GALNTL6: variants seen among roughly 807,000 people sequenced by gnomAD.
The protein encoded by GALNTL6 is polypeptide N-acetylgalactosaminyltransferase-like 6.
In GALNTL6, 46 loss-of-function variants were observed where a neutral mutation model predicts 73.7. The ratio of observed to expected loss-of-function variants is 0.62; its 90% CI spans 0.49 to 0.80. The LOEUF is 0.80. GALNTL6 is among the 30% of genes least tolerant of loss of function. The probability of loss-of-function intolerance (pLI) is 0.00; values close to 1 mark genes in which losing one functional copy is unlikely to be tolerated. For missense variants in GALNTL6, 604 were observed against 755.0 expected (o/e 0.80, Z 2.34); for synonymous variants, 259 against 263.7 (o/e 0.98, Z 0.17).
intron 2 of GALNTL6, among the ~76,000 whole-genome samples, chr4:171,921,540 A>G (rs1737787445): frequency 6.6e-6 from 1 of 152,104 alleles, no homozygotes; most frequent in African/African-American, 2.4e-5. Context: ...CATTATCATT[A>G]CTCTAGTTAA....
At chr4:171,849,280 G>A (rs1482677967) in intron 2 of GALNTL6, among the ~76,000 whole-genome samples, 1 of 152,152 alleles carries the variant, frequency 6.6e-6, no homozygotes, top group East Asian at 1.9e-4. Context: ...TGAGGAGAGG[G>A]AACAGATGGG....
intron 5 of GALNTL6, among the ~76,000 whole-genome samples, chr4:172,468,164 T>A (rs1178002997): frequency 1.3e-5 from 2 of 152,210 alleles, no homozygotes; most frequent in African/African-American, 4.8e-5. Flanking sequence ...AGTTCTGGGA[T>A]TACAGGCATG....
chr4:172,152,802 G>C (rs1247601398), intron 2 of GALNTL6, among the ~76,000 whole-genome samples: 1 of 152,026 alleles, frequency 6.6e-6, no homozygotes, highest in African/African-American at 2.4e-5. Flanking sequence ...TAGAGGCGGG[G>C]TTTTGCCATG....
At chr4:172,007,969 G>A (rs879384607) in intron 2 of GALNTL6, among the ~76,000 whole-genome samples, 6 of 151,788 alleles carry the variant, frequency 4.0e-5, no homozygotes, top group Non-Finnish European at 5.9e-5. Context: ...CCTGAACTGA[G>A]GTTCTTTTTT....
intron 5 of GALNTL6, among the ~76,000 whole-genome samples, chr4:172,658,536 A>G (rs1231787268): frequency 1.3e-5 from 2 of 152,042 alleles, no homozygotes; most frequent in African/African-American, 4.8e-5. Flanking sequence ...AAATAGGGCC[A>G]CATTTCAAAT....
intron 9 of GALNTL6, among the ~76,000 whole-genome samples, chr4:172,949,174 C>G (rs1749316997): frequency 6.6e-6 from 1 of 152,174 alleles, no homozygotes; most frequent in African/African-American, 2.4e-5. Flanking sequence ...ATCATATGGT[C>G]TTTCATTAAT....
chr4:171,990,033 AG>A (rs2110735266), intron 2 of GALNTL6, among the ~76,000 whole-genome samples: 1 of 152,180 alleles, frequency 6.6e-6, no homozygotes, highest in South Asian at 2.1e-4. Context: ...AGGTGTGAGG[AG>A]GGGAGGTGAT....
intron 6 of GALNTL6, among the ~76,000 whole-genome samples, chr4:172,813,227 T>G (rs1741412753): frequency 6.6e-6 from 1 of 152,200 alleles, no homozygotes; most frequent in Non-Finnish European, 1.5e-5. Flanking sequence ...CATGTTCGAT[T>G]CACGATAAAA....
intron 5 of GALNTL6, among the ~76,000 whole-genome samples, chr4:172,601,428 G>C (rs1435925564): frequency 6.6e-6 from 1 of 152,130 alleles, no homozygotes; most frequent in Non-Finnish European, 1.5e-5. Context: ...TGCAGTAAGT[G>C]CTTGCTCTCA....
At chr4:172,657,484 G>C (rs749732798) in intron 5 of GALNTL6, among the ~76,000 whole-genome samples, 2 of 151,962 alleles carry the variant, frequency 1.3e-5, no homozygotes, top group Non-Finnish European at 2.9e-5. Flanking sequence ...ATTTTGAAAG[G>C]CATAGTGAAA....
intron 10 of GALNTL6, among the ~76,000 whole-genome samples, chr4:173,008,521 A>G (rs1752395637): frequency 6.6e-6 from 1 of 152,216 alleles, no homozygotes; most frequent in African/African-American, 2.4e-5. Flanking sequence ...CAATACACCA[A>G]GATATGAGGT....
intron 5 of GALNTL6, among the ~76,000 whole-genome samples, chr4:172,734,282 T>C (rs1438351019): frequency 6.6e-6 from 1 of 152,212 alleles, no homozygotes; most frequent in Non-Finnish European, 1.5e-5. Context: ...AAACCCATTT[T>C]CTGGGGAGCA....
intron 5 of GALNTL6, among the ~76,000 whole-genome samples, chr4:172,519,508 T>C (rs1385343806): frequency 6.7e-6 from 1 of 150,260 alleles, no homozygotes; most frequent in African/African-American, 2.4e-5. Flanking sequence ...TTTCCTTCTT[T>C]CTTTTTTTTT....
chr4:172,250,103 C>T (rs373178512), intron 3 of GALNTL6, among the ~76,000 whole-genome samples: 6 of 152,056 alleles, frequency 3.9e-5, no homozygotes, highest in East Asian at 1.9e-4. Flanking sequence ...CCTGCAAAGC[C>T]GTAGGGTACA....
intron 2 of GALNTL6, among the ~76,000 whole-genome samples, chr4:171,968,824 T>A (rs1739469005): frequency 7.3e-6 from 1 of 137,164 alleles, no homozygotes; most frequent in African/African-American, 2.6e-5. Flanking sequence ...CTTGTTCTAT[T>A]TTTTTTTTGT....
chr4:172,357,179 T>C (rs1448697008), intron 5 of GALNTL6, among the ~76,000 whole-genome samples: 1 of 152,088 alleles, frequency 6.6e-6, no homozygotes. Context: ...GATTCTAAAG[T>C]TTGGAAAGGC....
At position 172,850,935 on chromosome 4, in the gene GALNTL6, A is replaced by G. The variant is rs148124494; in HGVS notation, c.924-31855A>G. Among the ~76,000 whole-genome samples, 265 of 152,288 alleles carry G rather than the reference A, an allele frequency of 1.7e-3. 1 individual carries two copies. The East Asian group carries it at 0.038, about 22-fold the overall frequency. On this transcript the variant is annotated intron_variant, in intron 7 of 12. Coordinates refer to ENST00000506823, the MANE Select transcript of GALNTL6 (RefSeq NM_001034845.3). ...GAGCTTCCATGTCCTCAGGTGCACC[A>G]TCTTCTAAGCACCACATGTTCAGTG...
intron 5 of GALNTL6, among the ~76,000 whole-genome samples, chr4:172,408,858 A>G (rs1403576425): frequency 6.6e-6 from 1 of 152,164 alleles, no homozygotes; most frequent in East Asian, 1.9e-4. Context: ...TCTCTCATCC[A>G]GAAGTGTATT....
At chr4:172,121,957 CTTT>C (rs35299123) in intron 2 of GALNTL6, among the ~76,000 whole-genome samples, 1 of 147,572 alleles carries the variant, frequency 6.8e-6, no homozygotes. Context: ...TTAGGTGACA[CTTT>C]TTTTTTTTTA....
Sources: allele counts gnomAD v4.1 joint callset (sites outside exome capture counted in the v4.1 genomes callset), GRCh38; gene constraint gnomAD v4.1.1; transcripts MANE v1.5; gene names NCBI Gene and HGNC (gene_info 2026-07-23, HGNC 2026-07-21).